ZFR2: variants seen among roughly 807,000 people sequenced by gnomAD.
ZFR2 encodes the protein zinc finger RNA-binding protein 2.
In ZFR2, 104 loss-of-function variants were observed where a neutral mutation model predicts 105.7. The ratio of observed to expected loss-of-function variants is 0.98; its 90% CI spans 0.84 to 1.16. The LOEUF (loss-of-function observed/expected upper bound fraction) is 1.16. Among genes scored for constraint, ZFR2 ranks in the 50% most tolerant of loss-of-function variants. The pLI, the probability that ZFR2 is intolerant of heterozygous loss-of-function variation, is 0.00. For synonymous variants in ZFR2, 634 were observed against 597.7 expected, an observed-to-expected ratio of 1.06 and a Z score of -0.89; for missense variants, 1,425 against 1,355.5, an observed-to-expected ratio of 1.05 and a Z score of -0.80.
intron 16 of ZFR2, 41 bp downstream of exon 16, chr19:3,810,709 G>A: frequency 1.3e-6 from 2 of 1,528,150 alleles, no homozygotes; most frequent in Non-Finnish European, 1.8e-6. Context: ...GAGGCCCTTG[G>A]GGGTCCCAGT....
At chr19:3,866,065 C>T (rs1265202332) in intron 1 of ZFR2, among the ~76,000 whole-genome samples, 3 of 152,132 alleles carry the variant, frequency 2.0e-5, no homozygotes, top group Non-Finnish European at 2.9e-5. Flanking sequence ...TGGTCTCGAA[C>T]TCCTGACCTC....
At position 3,868,157 on chromosome 19, in the gene ZFR2, C is replaced by A. The variant is rs1239193297; in HGVS notation, c.53+808G>T. ...CGGGGTCAGCTCCGCTCTAGCTCTC[C>A]CCCTGTCCAGCCAGACACCCTCCCA... On this transcript the variant is annotated intron_variant, in intron 1 of 18. Coordinates refer to ENST00000262961, the MANE Select transcript of ZFR2 (RefSeq NM_015174.2). Among the ~76,000 whole-genome samples, 3 of 150,042 alleles carry A rather than the reference C, an allele frequency of 2.0e-5. No individual in the cohort carries two copies. The South Asian group carries it at 6.3e-4, about 32-fold the overall frequency.
At chr19:3,835,357 G>A (rs1292564941) in intron 1 of ZFR2, among the ~76,000 whole-genome samples, 6 of 151,988 alleles carry the variant, frequency 3.9e-5, no homozygotes, top group African/African-American at 7.2e-5. Flanking sequence ...ACAGGGTCTC[G>A]CTCTGTTGCC....
At chr19:3,828,384 T>G (rs1380453198) in intron 5 of ZFR2, among the ~76,000 whole-genome samples, 6 of 152,154 alleles carry the variant, frequency 3.9e-5, no homozygotes, top group African/African-American at 9.7e-5. Flanking sequence ...GTTTCTTCCT[T>G]CTTCTGGAAT....
In ZFR2 at chr19:3,821,481, T is replaced by C; in HGVS notation, c.1492-2A>G. On this transcript the variant is annotated splice_acceptor_variant, in intron 9 of 18. Transcript: ENST00000262961. LOFTEE classifies it high-confidence loss of function. ...GGGAAGGTCCGGGTTCACTTTCTTC[T>C]GGAAAGGACAGGCAAGGCTCTGAGA... is the stretch of plus-strand genomic sequence containing the variant. The C allele has an allele frequency of 1.9e-6, 3 of 1,597,384 alleles. 1 individual carries two copies. The highest frequency in any genetic ancestry group is 2.7e-5 in the African/African-American group (2 of 74,460).
intron 1 of ZFR2, among the ~76,000 whole-genome samples, chr19:3,860,515 G>A (rs114606014): frequency 1.6e-4 from 25 of 152,250 alleles, no homozygotes; most frequent in African/African-American, 4.8e-4. Context: ...CCCGAGCCTC[G>A]GGGGCGAGCC....
intron 9 of ZFR2, among the ~76,000 whole-genome samples, 195 bp from the exon 10 acceptor site, chr19:3,821,674 T>G (rs1026672493): frequency 7.1e-6 from 1 of 140,910 alleles, no homozygotes; most frequent in Admixed American, 7.9e-5. Flanking sequence ...AGTGCAATGG[T>G]GTGACCTCGG....
intron 1 of ZFR2, among the ~76,000 whole-genome samples, chr19:3,845,552 G>C (rs1482195671): frequency 6.6e-6 from 1 of 151,720 alleles, no homozygotes; most frequent in Non-Finnish European, 1.5e-5. Context: ...AGCACTTTGG[G>C]AGGCTGAGGC....
At chr19:3,859,410 G>A (rs1431660675) in intron 1 of ZFR2, among the ~76,000 whole-genome samples, 1 of 152,156 alleles carries the variant, frequency 6.6e-6, no homozygotes, top group African/African-American at 2.4e-5. Context: ...ACGGCCTATC[G>A]TGGGACTTTA....
chr19:3,810,693 G>T (rs1468279196), intron 16 of ZFR2, 57 bp downstream of exon 16: 2 of 1,482,528 alleles, frequency 1.3e-6, no homozygotes, highest in Non-Finnish European at 1.8e-6. Flanking sequence ...GCCTGTCAGG[G>T]CCATGGAGGC....
rs1261130562 is a variant in ZFR2, at chr19:3,825,393, G to A, written c.1050C>T (p.His350=). ...GSKHQKVFKL[H]AKLGKPIPTL... The stretch of plus-strand genomic sequence containing the variant: ...TGGGAATGGGCTTCCCCAGTTTGGC[G>A]TGCAGCTTGAAGACCTGCAACAGAC... The change falls in exon 7 of 19, where the codon CAC becomes CAT. Residue 350 remains histidine, a synonymous_variant. Coordinates refer to ENST00000262961, the MANE Select transcript of ZFR2 (RefSeq NM_015174.2). 7 of 1,582,086 alleles carry A rather than the reference G, an allele frequency of 4.4e-6. No homozygotes were observed. The highest frequency in any genetic ancestry group is 5.1e-6 in the Non-Finnish European group (6 of 1,166,436).
Position 3,825,253 on chromosome 19 carries a change from A to T in ZFR2, c.1190T>A (p.Val397Glu). 1 of 1,552,356 alleles carries T rather than the reference A, an allele frequency of 6.4e-7. No homozygotes were observed. The highest frequency in any genetic ancestry group is 8.6e-7 in the Non-Finnish European group (1 of 1,157,264). The change falls in exon 7 of 19, where the codon GTG (valine) becomes GAG (glutamate). Residue 397 changes from valine to glutamate, a missense_variant. By Grantham distance (121) the Val-to-Glu change is moderately radical. Transcript: ENST00000262961. Reference protein sequence around the residue: ...SSRPALAKRPVASKALCEGPP... With the variant: ...SSRPALAKRPEASKALCEGPP... ...ACCCTCGCATAAGGCCTTCGAGGCCACGGGTCTCTTGGCCAGCGCTGGCCT... is the reference window on the plus strand; with the variant it reads ...ACCCTCGCATAAGGCCTTCGAGGCCTCGGGTCTCTTGGCCAGCGCTGGCCT...
chr19:3,807,388 A>C (rs1268726925), intron 17 of ZFR2, 119 bp from the exon 18 acceptor site: 2 of 694,446 alleles, frequency 2.9e-6, no homozygotes. Context: ...CTATACTTGC[A>C]GCCGTGGCAC....
Position 3,831,753 on chromosome 19 carries a change from G to C in ZFR2, c.505C>G (p.Pro169Ala). 1 of 1,609,376 alleles carries C rather than the reference G, an allele frequency of 6.2e-7. No individual in the cohort carries two copies. Among genetic ancestry groups the C allele is most frequent in the Non-Finnish European group, 8.5e-7 (1 of 1,178,396 alleles). ...ASTLSSGYTY[P>A]TATGVQPESS... ...TCGGGCTGGACGCCTGTCGCCGTGG[G>C]GTAGGTGTATCCCGAGGACAAGGTG... The change falls in exon 4 of 19, where the codon CCC becomes GCC. Residue 169 changes from proline to alanine, a missense_variant. By Grantham distance (27) the Pro-to-Ala change is conservative. Transcript: ENST00000262961.
At chr19:3,827,432 T>C in intron 6 of ZFR2, 39 bp downstream of exon 6, 1 of 1,479,246 alleles carries the variant, frequency 6.8e-7, no homozygotes, top group Non-Finnish European at 9.0e-7. Context: ...GGGGGCCTTC[T>C]CCCCAGGGTG....
At chr19:3,819,289 T>G (rs1334376968) in intron 11 of ZFR2, 54 bp from the exon 12 acceptor site, 1 of 1,411,546 alleles carries the variant, frequency 7.1e-7, no homozygotes, top group East Asian at 2.6e-5. Context: ...CCTTGGGGAG[T>G]GCTGGGCAGG....
rs755733262 is a variant in ZFR2, at chr19:3,831,557, C to G, written c.599-1G>C. ...GCGTCATAGTTCGGGTAGCTTGGTG[C>G]TGAGCAGCAGAGAAAACAATGAGTC... On this transcript the variant is annotated splice_acceptor_variant, in intron 4 of 18. Coordinates refer to ENST00000262961, the MANE Select transcript of ZFR2 (RefSeq NM_015174.2). LOFTEE classifies it high-confidence loss of function. 8 of 1,561,994 alleles carry G rather than the reference C, an allele frequency of 5.1e-6. No individual in the cohort carries two copies. In the Admixed American group the frequency reaches 1.5e-4, roughly 30 times the overall value.
intron 3 of ZFR2, among the ~76,000 whole-genome samples, chr19:3,833,194 A>T (rs1222373982): frequency 6.7e-6 from 1 of 149,230 alleles, no homozygotes; most frequent in African/African-American, 2.5e-5. Flanking sequence ...GGGTGCAGTG[A>T]GCTGAGATCG....
intron 7 of ZFR2, among the ~76,000 whole-genome samples, chr19:3,824,334 TGTC>T (rs1753529809): frequency 6.6e-6 from 1 of 152,006 alleles, no homozygotes. Flanking sequence ...AAAAAAGAGT[TGTC>T]GTGGAGGTAA....
Sources: allele counts gnomAD v4.1 joint callset (sites outside exome capture counted in the v4.1 genomes callset), GRCh38; gene constraint gnomAD v4.1.1; transcripts MANE v1.5; gene names NCBI Gene and HGNC (gene_info 2026-07-23, HGNC 2026-07-21).